The following CD109 variants were observed in gnomAD, a reference collection of about 807,000 sequenced individuals.
CD109 encodes the protein CD109 antigen.
CD109 carries 149 observed loss-of-function variants against 165.8 expected under a neutral mutation model. The ratio of observed to expected loss-of-function variants is 0.90; its 90% CI spans 0.79 to 1.03. The LOEUF is 1.03. CD109 is among the 50% of genes least tolerant of loss of function. The pLI is 0.00. For missense variants in CD109, 1,712 were observed against 1,677.8 expected (o/e 1.02, Z -0.36); for synonymous variants, 585 against 592.1 (o/e 0.99, Z 0.18).
intron 2 of CD109, among the ~76,000 whole-genome samples, chr6:73,707,857 AT>A (rs1464981441): frequency 6.6e-6 from 1 of 150,492 alleles, no homozygotes; most frequent in Non-Finnish European, 1.5e-5. Flanking sequence ...ATGTCACCCA[AT>A]TTTTTCTTTT....
rs148856033 is a variant in CD109, at chr6:73,801,191, T to C, written c.2879-2029T>C. 1.1e-4 allele frequency among the ~76,000 whole-genome samples: 17 copies of C among 152,374 alleles called. No individual in the cohort carries two copies. In the East Asian group the frequency reaches 2.3e-3, roughly 21 times the overall value. ...TTGGAGCCAGTGAGAAGTTGGCTAA[T>C]GCCCAACTTCACTCCCTGTTAGCTG... is the stretch of plus-strand genomic sequence containing the variant. On this transcript the variant is annotated intron_variant, in intron 23 of 32. Coordinates refer to ENST00000287097, the MANE Select transcript of CD109 (RefSeq NM_133493.5).
chr6:73,790,025 G>A (rs1342220081), intron 22 of CD109, among the ~76,000 whole-genome samples: 1 of 151,730 alleles, frequency 6.6e-6, no homozygotes, highest in Non-Finnish European at 1.5e-5. Context: ...GTGAGCCATG[G>A]CACTCAGCCT....
chr6:73,698,981 A>G (rs1298354157), intron 2 of CD109, among the ~76,000 whole-genome samples: 1 of 152,230 alleles, frequency 6.6e-6, no homozygotes, highest in African/African-American at 2.4e-5. Flanking sequence ...TAGGCATGCA[A>G]TAAACAACAA....
intron 2 of CD109, among the ~76,000 whole-genome samples, chr6:73,699,055 C>T (rs191264711): frequency 1.4e-3 from 209 of 152,292 alleles, no homozygotes; most frequent in African/African-American, 4.7e-3. Flanking sequence ...TTCCTTTTTA[C>T]ATGGGGGCAG....
At chr6:73,800,541 G>A (rs887828741) in intron 23 of CD109, among the ~76,000 whole-genome samples, 9 of 152,156 alleles carry the variant, frequency 5.9e-5, no homozygotes, top group Non-Finnish European at 1.2e-4. Context: ...ATTCCCTCTA[G>A]CAGTGGATCA....
chr6:73,736,561 A>C (rs1772554004), intron 5 of CD109, 53 bp downstream of exon 5: 2 of 1,503,726 alleles, frequency 1.3e-6, no homozygotes, highest in African/African-American at 2.8e-5. Context: ...TAATTAGGTC[A>C]GGTGGGGGAA....
intron 9 of CD109, 144 bp downstream of exon 9, chr6:73,763,026 C>T (rs928331240): frequency 1.2e-5 from 9 of 743,186 alleles, no homozygotes; most frequent in Non-Finnish European, 1.6e-5. Context: ...GACTGTTAGT[C>T]TAAGTTGCAG....
rs766394451 is a variant in CD109, at chr6:73,730,358, T to C, written c.291T>C (p.Ser97=). Residue 97 remains serine (S), a synonymous_variant, in exon 4 of 33, where the codon AGT becomes AGC. Coordinates refer to ENST00000287097, the MANE Select transcript of CD109 (RefSeq NM_133493.5). ...TLTLPSLPLN[S]ADEIYELRVT... is the part of the protein sequence containing the mutation. ...TTTCCCCCCAGCTACCTCTGAACAG[T>C]GCAGATGAGATTTATGAGCTACGTG... 2 of 1,611,146 alleles carry C rather than the reference T, an allele frequency of 1.2e-6. No homozygotes were observed. Among genetic ancestry groups the C allele is most frequent in the African/African-American group, 1.3e-5 (1 of 74,878 alleles).
At chr6:73,820,649 T>C in intron 32 of CD109, 86 bp downstream of exon 32, 1 of 774,676 alleles carries the variant, frequency 1.3e-6, no homozygotes, top group Non-Finnish European at 2.0e-6. Context: ...ATTGGATTGG[T>C]TCTGTGGCGA....
At position 73,766,041 on chromosome 6, in the gene CD109, A is replaced by G; in HGVS notation, c.1219A>G (p.Ser407Gly). The G allele has an allele frequency of 6.2e-7, 1 of 1,614,002 alleles. No individual in the cohort carries two copies. The highest frequency in any genetic ancestry group is 8.5e-7 in the Non-Finnish European group (1 of 1,179,860). Residue 407 changes from serine (S) to glycine (G), a missense_variant, in exon 11 of 33, where the codon AGT becomes GGT. Coordinates refer to ENST00000287097, the MANE Select transcript of CD109 (RefSeq NM_133493.5). ...TACTGAGTACTGGAGCGGATCTAACAGTGGAAATCAGAAAATGGAAGCTGT... is the reference window on the plus strand; with the variant it reads ...TACTGAGTACTGGAGCGGATCTAACGGTGGAAATCAGAAAATGGAAGCTGT... The part of the protein sequence containing the change: ...NYTEYWSGSN[S>G]GNQKMEAVQK...
intron 3 of CD109, among the ~76,000 whole-genome samples, chr6:73,726,920 A>C (rs1306280870): frequency 6.6e-6 from 1 of 152,108 alleles, no homozygotes; most frequent in Non-Finnish European, 1.5e-5. Flanking sequence ...GGAGTCCAAA[A>C]TCTCTGTGGG....
chr6:73,739,090 C>T (rs904481498), intron 5 of CD109, among the ~76,000 whole-genome samples: 7 of 152,192 alleles, frequency 4.6e-5, no homozygotes, highest in Non-Finnish European at 1.0e-4. Flanking sequence ...GCAGTATTTT[C>T]TTAAAACGAA....
At chr6:73,682,714 A>G in the CD109 span, among the ~76,000 whole-genome samples, 1 of 152,268 alleles carries the variant, frequency 6.6e-6, no homozygotes, top group African/African-American at 2.4e-5. Flanking sequence ...TGAGGACACT[A>G]CCCCTACAGC....
At chr6:73,776,553 CTTTTT>C (rs34703329) in intron 15 of CD109, among the ~76,000 whole-genome samples, 3 of 73,074 alleles carry the variant, frequency 4.1e-5, no homozygotes, top group Admixed American at 1.8e-4. Flanking sequence ...CGCAAGTGGC[CTTTTT>C]TTTTTTTTTT....
chr6:73,783,222 C>T (rs1455224032), intron 18 of CD109, among the ~76,000 whole-genome samples: 1 of 152,188 alleles, frequency 6.6e-6, no homozygotes, highest in Non-Finnish European at 1.5e-5. Flanking sequence ...CCCCGTACCA[C>T]CTGGCCTGAT....
chr6:73,815,322 A>G (rs1775900500), intron 30 of CD109, among the ~76,000 whole-genome samples, 199 bp downstream of exon 30: 1 of 152,200 alleles, frequency 6.6e-6, no homozygotes, highest in Admixed American at 6.5e-5. Context: ...AATTATTTAC[A>G]AGTTTTCCCT....
intron 15 of CD109, among the ~76,000 whole-genome samples, chr6:73,775,699 G>A (rs951084882): frequency 2.0e-5 from 3 of 152,044 alleles, no homozygotes; most frequent in African/African-American, 7.2e-5. Flanking sequence ...AATCTCTACT[G>A]TGTGTTGTTC....
rs1773159391 is a variant in CD109, at chr6:73,750,818, A to G, written c.634-5825A>G. On this transcript the variant is annotated intron_variant, in intron 5 of 32. Transcript: ENST00000287097. ...CTTGACAGGTGAAGTAAAAAAGCAC[A>G]TTATTTTTGTGCCATTTTGTCCTGT... Among the ~76,000 whole-genome samples, 3 of 152,080 alleles carry G rather than the reference A, an allele frequency of 2.0e-5. No homozygotes were observed. In the South Asian group the frequency reaches 6.2e-4, roughly 31 times the overall value.
rs756463464 is a variant in CD109, at chr6:73,780,470, T to C, written c.1874T>C (p.Met625Thr). The change falls in exon 16 of 33, where the codon ATG (methionine) becomes ACG (threonine). Residue 625 changes from methionine to threonine, a missense_variant. Transcript: ENST00000287097. ...TATAACACAGGATATTATTTAGGCA[T>C]GTTCATGAATTCTTTTGCAGTCTTT... ...ELYNTGYYLGMFMNSFAVFQE... is the reference protein window; with the variant it reads ...ELYNTGYYLGTFMNSFAVFQE... The C allele has an allele frequency of 1.2e-6, 2 of 1,609,512 alleles. No individual in the cohort carries two copies. Among genetic ancestry groups the C allele is most frequent in the East Asian group, 2.2e-5 (1 of 44,712 alleles).
Sources: gnomAD v4.1 joint callset for allele counts (sites outside exome capture counted in the v4.1 genomes callset) on GRCh38, gnomAD v4.1.1 for gene constraint, MANE v1.5 for transcripts, NCBI Gene and HGNC (gene_info 2026-07-23, HGNC 2026-07-21) for gene names.